Variants in GALNS observed in about 807,000 individuals in gnomAD.
The protein encoded by GALNS is galactosamine (N-acetyl)-6-sulfatase.
Under a neutral mutation model 65.9 loss-of-function variants are expected in GALNS, and 65 were observed. The ratio of observed to expected loss-of-function variants is 0.99; its 90% CI spans 0.81 to 1.21. The LOEUF (loss-of-function observed/expected upper bound fraction) is 1.21. Ranked by LOEUF, GALNS falls within the 50% of genes most tolerant of loss-of-function variation. The pLI, the probability that GALNS is intolerant of heterozygous loss-of-function variation, is 0.00. For missense variants in GALNS, 776 were observed against 700.7 expected (o/e 1.11, Z -1.21); for synonymous variants, 346 against 288.9 (o/e 1.20, Z -2.00).
intron 4 of GALNS, 42 bp from the exon 5 acceptor site, chr16:88,837,807 G>C: frequency 6.2e-7 from 1 of 1,609,756 alleles, no homozygotes; most frequent in Non-Finnish European, 8.5e-7. Context: ...CCCCACGTGG[G>C]GACACTCGGA....
At chr16:88,834,519 G>C (rs112693870) in intron 8 of GALNS, among the ~76,000 whole-genome samples, 506 of 128,920 alleles carry the variant, frequency 3.9e-3, no homozygotes, top group Middle Eastern at 0.01. Flanking sequence ...TCTGGGAAGA[G>C]GCTGTAGGGC....
chr16:88,816,008 G>A (rs137871381), intron 13 of GALNS: 4 of 985,408 alleles, frequency 4.1e-6, no homozygotes, highest in South Asian at 4.7e-5. Flanking sequence ...GCAGGGAAGG[G>A]GTAAGGAGGG....
chr16:88,851,457 C>A (rs112985219), intron 1 of GALNS, among the ~76,000 whole-genome samples: 1 of 152,122 alleles, frequency 6.6e-6, no homozygotes, highest in Non-Finnish European at 1.5e-5. Context: ...CAGAAGACGG[C>A]GATTTCTGCA....
chr16:88,832,471 A>G (rs991525940), intron 8 of GALNS, among the ~76,000 whole-genome samples: 1 of 152,282 alleles, frequency 6.6e-6, no homozygotes, highest in African/African-American at 2.4e-5. Flanking sequence ...TGGGGTACTT[A>G]AAATGCAGCC....
Position 88,814,136 on chromosome 16 carries a change from C to G in GALNS, c.*303G>C. On this transcript the variant is annotated 3_prime_UTR_variant, in exon 14 of 14. Transcript: ENST00000268695. ...GCATCCTTAACCTTGGCAAAATAAA[C>G]TGAGACTGGTCTCAGATATTTGGGG... 2 of 492,766 alleles carry G rather than the reference C, an allele frequency of 4.1e-6. No homozygotes were observed. The highest frequency in any genetic ancestry group is 7.5e-6 in the Non-Finnish European group (2 of 268,324). 30.5% of individuals were successfully genotyped at this position (492,766 alleles called of 1,614,324 possible).
chr16:88,836,775 G>C (rs1912187838), intron 5 of GALNS, among the ~76,000 whole-genome samples: 2 of 152,360 alleles, frequency 1.3e-5, no homozygotes, highest in South Asian at 4.1e-4. Context: ...TGAGGCCGGT[G>C]CTGCAATAAC....
Position 88,822,673 on chromosome 16 carries a change from A to G in GALNS, c.1280T>C (p.Val427Ala). ...DFCPGQNVSG[V>A]TTHNLEDHTK... ...GTGGTCTTCCAGATTGTGAGTTGTG[A>G]CCCCTGAAACGTTCTGCCCAGGGCA... Residue 427 changes from valine to alanine, a missense_variant, in exon 12 of 14, where the codon GTC (valine) becomes GCC (alanine). Physicochemically the swap from Val to Ala is moderately conservative, Grantham distance 64. Coordinates refer to ENST00000268695, the MANE Select transcript of GALNS (RefSeq NM_000512.5). 1.2e-6 allele frequency: 2 copies of G among 1,612,700 alleles called. No homozygotes were observed. Among genetic ancestry groups the G allele is most frequent in the Non-Finnish European group, 8.5e-7 (1 of 1,179,670 alleles).
intron 13 of GALNS, among the ~76,000 whole-genome samples, 157 bp downstream of exon 13, chr16:88,817,850 G>T (rs1909793969): frequency 6.6e-6 from 1 of 152,334 alleles, no homozygotes; most frequent in East Asian, 1.9e-4. Flanking sequence ...AATCCCGGAC[G>T]CCGCCGCGTG....
Position 88,816,289 on chromosome 16 carries a change from G to C in GALNS, c.1482+1718C>G, listed in dbSNP as rs1027853911. On this transcript the variant is annotated intron_variant, in intron 13 of 13. Transcript: ENST00000268695. The stretch of plus-strand genomic sequence containing the variant: ...CGCCCGTGGAGCCACTGCAGCCTGG[G>C]TCGTAGAGAAGGACCCAGCAGCACG... 8.1e-6 allele frequency: 8 copies of C among 985,296 alleles called. No homozygotes were observed. The African/African-American group carries it at 1.4e-4, about 17-fold the overall frequency. The allele number at this position is 985,296 out of a possible 1,614,324, so 61.0% of individuals were successfully genotyped here. A position where few individuals can be genotyped will look rare whatever the true frequency, so the allele number is the denominator to read the frequency against.
chr16:88,815,908 G>A (rs2142974191), intron 13 of GALNS: 1 of 985,408 alleles, frequency 1.0e-6, no homozygotes, highest in Non-Finnish European at 1.2e-6. Flanking sequence ...CAGAAGCAGG[G>A]GTCCAGGTGG....
At chr16:88,853,391 G>A (rs1443358546) in intron 1 of GALNS, among the ~76,000 whole-genome samples, 1 of 152,056 alleles carries the variant, frequency 6.6e-6, no homozygotes, top group African/African-American at 2.4e-5. Context: ...CCTACTGGTT[G>A]CTATGGGATT....
rs369035373 is a variant in GALNS, at chr16:88,854,383, C to T, written c.120+2375G>A. On this transcript the variant is annotated intron_variant, in intron 1 of 13. Coordinates refer to ENST00000268695, the MANE Select transcript of GALNS (RefSeq NM_000512.5). Reference sequence around the variant, plus strand: ...CACCCTGGGCCACGTCAGGGCACCTCGGGGCTCCACTGTGAGCTTCTGTGG... The same window carrying T: ...CACCCTGGGCCACGTCAGGGCACCTTGGGGCTCCACTGTGAGCTTCTGTGG... Among the ~76,000 whole-genome samples the T allele has an allele frequency of 4.7e-4, 71 of 152,218 alleles. 1 individual carries two copies. The highest frequency in any genetic ancestry group is 3.2e-3 in the Middle Eastern group (1 of 316).
Position 88,856,883 on chromosome 16 carries a change from C to A in GALNS, c.-6G>T. The A allele has an allele frequency of 3.3e-6, 5 of 1,506,112 alleles. No homozygotes were observed. Among genetic ancestry groups the A allele is most frequent in the Non-Finnish European group, 3.5e-6 (4 of 1,136,090 alleles). 93.3% of individuals were successfully genotyped at this position (1,506,112 alleles called of 1,614,324 possible). A position where few individuals can be genotyped will look rare whatever the true frequency, so the allele number is the denominator to read the frequency against. ...GCCGCGACAACCGCCGCCATGGCAACCACGGGAGCCGCGGAGCCCCGGCCA... is the reference window on the plus strand; with the variant it reads ...GCCGCGACAACCGCCGCCATGGCAAACACGGGAGCCGCGGAGCCCCGGCCA... On this transcript the variant is annotated 5_prime_UTR_variant, in exon 1 of 14. Coordinates refer to ENST00000268695, the MANE Select transcript of GALNS (RefSeq NM_000512.5).
chr16:88,837,661 G>A lies in GALNS; in HGVS notation c.527C>T (p.Pro176Leu). The A allele has an allele frequency of 1.2e-6, 2 of 1,613,916 alleles. No individual in the cohort carries two copies. The highest frequency in any genetic ancestry group is 1.7e-6 in the Non-Finnish European group (2 of 1,180,006). Reference protein sequence around the residue: ...HFGPYDNKARPNIPVYRDWEM... With the variant: ...HFGPYDNKARLNIPVYRDWEM... Reference sequence around the variant, plus strand: ...CCAGTCCCTGTACACAGGGATGTTGGGCCTGGCCTTGTTGTCATAAGGTCC... The same window carrying A: ...CCAGTCCCTGTACACAGGGATGTTGAGCCTGGCCTTGTTGTCATAAGGTCC... Residue 176 changes from proline to leucine, a missense_variant, in exon 5 of 14, where the codon CCC (proline) becomes CTC (leucine). Physicochemically the swap from Pro to Leu is moderately conservative, Grantham distance 98. Coordinates refer to ENST00000268695, the MANE Select transcript of GALNS (RefSeq NM_000512.5).
chr16:88,835,769 G>A lies in GALNS; in HGVS notation c.714C>T (p.Pro238=), dbSNP rs375407159. The change falls in exon 7 of 14, where the codon CCC becomes CCT. Residue 238 remains proline, a synonymous_variant. Coordinates refer to ENST00000268695, the MANE Select transcript of GALNS (RefSeq NM_000512.5). ...CCAAGAAGGGTTTGGAGGCATAGAC[G>A]GGTGCGTGCGTGGCGTCGACAGCCC... ...LYWAVDATHA[P]VYASKPFLGT... 175 of 1,614,028 alleles carry A rather than the reference G, an allele frequency of 1.1e-4. No homozygotes were observed. The highest frequency in any genetic ancestry group is 1.6e-4 in the Middle Eastern group (1 of 6,084).
intron 9 of GALNS, among the ~76,000 whole-genome samples, chr16:88,830,996 C>G (rs1455608170): frequency 6.6e-6 from 1 of 152,222 alleles, no homozygotes; most frequent in African/African-American, 2.4e-5. Context: ...CTGATAAGTC[C>G]TGCAGGGAAG....
chr16:88,814,414 G>C lies in GALNS; in HGVS notation c.*25C>G. The C allele has an allele frequency of 6.4e-7, 1 of 1,552,266 alleles. No homozygotes were observed. The highest frequency in any genetic ancestry group is 8.7e-7 in the Non-Finnish European group (1 of 1,148,032). On this transcript the variant is annotated 3_prime_UTR_variant, in exon 14 of 14. Transcript: ENST00000268695. ...CTTGCAGGGCCAACCGGAGATTCTAGGCCTGGCCTGAGTCTGCGCAGGTGC... is the reference window on the plus strand; with the variant it reads ...CTTGCAGGGCCAACCGGAGATTCTACGCCTGGCCTGAGTCTGCGCAGGTGC...
Position 88,835,335 on chromosome 16 carries a change from C to T in GALNS, c.776G>A (p.Arg259Gln), listed in dbSNP as rs118204442. The change falls in exon 8 of 14, where the codon CGG (arginine) becomes CAG (glutamine). Residue 259 changes from arginine (R) to glutamine (Q), a missense_variant. Coordinates refer to ENST00000268695, the MANE Select transcript of GALNS (RefSeq NM_000512.5). ...CTTCCCAATGCTGTCATCAATCTCC[C>T]GGACGGCGTCTCCATACCTGCAGGA... is the stretch of plus-strand genomic sequence containing the variant. Reference protein sequence around the residue: ...SQRGRYGDAVREIDDSIGKIL... With the variant: ...SQRGRYGDAVQEIDDSIGKIL... 2.0e-5 allele frequency: 32 copies of T among 1,613,570 alleles called. No homozygotes were observed. The highest frequency in any genetic ancestry group is 1.6e-4 in the Middle Eastern group (1 of 6,084).
intron 13 of GALNS, chr16:88,816,412 G>A: frequency 2.0e-6 from 2 of 985,414 alleles, no homozygotes; most frequent in Non-Finnish European, 2.4e-6. Context: ...CTGAGACAGG[G>A]ACCTCCCTGC....
Sources: gnomAD v4.1 joint callset for allele counts (sites outside exome capture counted in the v4.1 genomes callset) on GRCh38, gnomAD v4.1.1 for gene constraint, MANE v1.5 for transcripts, NCBI Gene and HGNC (gene_info 2026-07-23, HGNC 2026-07-21) for gene names.